NPNT: variants seen among roughly 807,000 people sequenced by gnomAD.
The protein encoded by NPNT is nephronectin.
In NPNT, 45 loss-of-function variants were observed where a neutral mutation model predicts 68.6. That is an observed-to-expected ratio of 0.66 (90% CI 0.52 to 0.84). The LOEUF is 0.84. NPNT is among the 40% of genes least tolerant of loss of function. The pLI is 0.00. For missense variants in NPNT, 672 were observed against 714.8 expected (o/e 0.94, Z 0.68); for synonymous variants, 233 against 253.3 (o/e 0.92, Z 0.76).
At chr4:105,941,234 A>G (rs1044953903) in intron 7 of NPNT, among the ~76,000 whole-genome samples, 4 of 152,088 alleles carry the variant, frequency 2.6e-5, no homozygotes, top group Admixed American at 2.6e-4. Flanking sequence ...CCAGCTACTC[A>G]GGAGGATGAG....
At chr4:105,924,044 C>G (rs559597706) in intron 2 of NPNT, among the ~76,000 whole-genome samples, 31 of 151,656 alleles carry the variant, frequency 2.0e-4, no homozygotes, top group African/African-American at 6.3e-4. Flanking sequence ...GCTGCGCCCC[C>G]CCCCCACCAC....
chr4:105,932,742 C>G (rs532620097), intron 3 of NPNT: 1 of 1,332,296 alleles, frequency 7.5e-7, no homozygotes, highest in Admixed American at 2.0e-5. Flanking sequence ...CTCTTCCCAC[C>G]TGCATGGCTT....
Position 105,942,514 on chromosome 4 carries a change from C to G in NPNT, c.971C>G (p.Pro324Arg). The G allele has an allele frequency of 1.2e-6, 2 of 1,613,850 alleles. No individual in the cohort carries two copies. Among genetic ancestry groups the G allele is most frequent in the Non-Finnish European group, 8.5e-7 (1 of 1,179,952 alleles). The change falls in exon 8 of 12, where the codon CCA (proline) becomes CGA (arginine). Residue 324 changes from proline (P) to arginine (R), a missense_variant. Transcript: ENST00000379987. Reference protein sequence around the residue: ...PTTRPTPKPTPIPTPPPPPPL... With the variant: ...PTTRPTPKPTRIPTPPPPPPL... ...ACAAGACCTACACCAAAGCCAACAC[C>G]AATTCCTACTCCACCACCACCACCA...
At chr4:105,940,774 C>T in intron 7 of NPNT, 138 bp downstream of exon 7, 1 of 766,602 alleles carries the variant, frequency 1.3e-6, no homozygotes, top group Non-Finnish European at 2.1e-6. Flanking sequence ...TCTTTGATTT[C>T]CACAAACAAT....
intron 3 of NPNT, among the ~76,000 whole-genome samples, chr4:105,930,492 G>A (rs1003370227): frequency 6.6e-6 from 1 of 152,136 alleles, no homozygotes; most frequent in Non-Finnish European, 1.5e-5. Flanking sequence ...GAAAATTGTT[G>A]ATAGTGCCTA....
intron 2 of NPNT, among the ~76,000 whole-genome samples, chr4:105,904,833 C>A (rs1468673891): frequency 6.6e-6 from 1 of 151,948 alleles, no homozygotes; most frequent in African/African-American, 2.4e-5. Flanking sequence ...AGGTGTACAC[C>A]ACCACACCTA....
At chr4:105,946,059 G>A (rs193294075) in intron 8 of NPNT, among the ~76,000 whole-genome samples, 26 of 152,226 alleles carry the variant, frequency 1.7e-4, no homozygotes, top group Non-Finnish European at 3.2e-4. Flanking sequence ...TTAAAGTTAC[G>A]TGTACATTTG....
At position 105,970,595 on chromosome 4, in the gene NPNT, A is replaced by T. The variant is rs1462403610; in HGVS notation, c.*1605A>T. The stretch of plus-strand genomic sequence containing the variant: ...AGAGGAAACTGGCTTAGACTAGAGT[A>T]TAAGGGAGCATTTCTTGGCAGGGGC... On this transcript the variant is annotated 3_prime_UTR_variant, in exon 12 of 12. Transcript: ENST00000379987. 6.0e-6 allele frequency: 4 copies of T among 669,832 alleles called. No individual in the cohort carries two copies. Among genetic ancestry groups the T allele is most frequent in the African/African-American group, 5.3e-5 (3 of 56,662 alleles). 41.5% of individuals were successfully genotyped at this position (669,832 alleles called of 1,614,324 possible).
chr4:105,898,104 T>C, intron 2 of NPNT, 103 bp downstream of exon 2: 4 of 768,144 alleles, frequency 5.2e-6, no homozygotes, highest in South Asian at 2.0e-5. Flanking sequence ...TGAGCAAGGC[T>C]TGGCCTTGCA....
chr4:105,904,358 G>A (rs1726697387), intron 2 of NPNT, among the ~76,000 whole-genome samples: 1 of 152,120 alleles, frequency 6.6e-6, no homozygotes, highest in Non-Finnish European at 1.5e-5. Flanking sequence ...TAGTTTAAGG[G>A]GAAAGACTGA....
At chr4:105,898,141 A>G (rs1368845062) in intron 2 of NPNT, 140 bp downstream of exon 2, 1 of 547,688 alleles carries the variant, frequency 1.8e-6, no homozygotes, top group Non-Finnish European at 3.2e-6. Context: ...TTTCAGGTAC[A>G]GTCCAGACTC....
chr4:105,945,207 C>A (rs1419189382), intron 8 of NPNT, among the ~76,000 whole-genome samples: 1 of 152,056 alleles, frequency 6.6e-6, no homozygotes, highest in Non-Finnish European at 1.5e-5. Context: ...TGAAAGATTT[C>A]TTTTAATGGA....
rs759098116 is a variant in NPNT at position 105,935,108 on chromosome 4, TCA to T, written c.266-1898_266-1897del. On this transcript the variant is annotated intron_variant, in intron 3 of 11. Transcript: ENST00000379987. ...CACCGAATCCATTCCCATCAGGAACTCACAAAAGTTTCTGTTATGCTTTGAAA... is the reference window on the plus strand; with the variant it reads ...CACCGAATCCATTCCCATCAGGAACTCAAAAGTTTCTGTTATGCTTTGAAA... Among the ~76,000 whole-genome samples, 15 of 152,308 alleles carry T rather than the reference TCA, an allele frequency of 9.8e-5. No individual in the cohort carries two copies. In the East Asian group the frequency reaches 2.5e-3, roughly 25 times the overall value.
intron 2 of NPNT, among the ~76,000 whole-genome samples, chr4:105,924,175 C>T (rs1470494911): frequency 6.6e-6 from 1 of 152,160 alleles, no homozygotes; most frequent in East Asian, 1.9e-4. Flanking sequence ...TCTTTCATCT[C>T]TCTATCACAG....
chr4:105,898,287 T>G (rs1726049786), intron 2 of NPNT, among the ~76,000 whole-genome samples: 1 of 150,438 alleles, frequency 6.6e-6, no homozygotes, highest in Non-Finnish European at 1.5e-5. Context: ...TTACCAGGTT[T>G]ATTTCTCTCT....
intron 2 of NPNT, among the ~76,000 whole-genome samples, chr4:105,924,910 G>A (rs1047900465): frequency 2.0e-5 from 3 of 152,014 alleles, no homozygotes; most frequent in African/African-American, 7.2e-5. Context: ...TGCACTTAAC[G>A]ATTTTGAGAT....
intron 2 of NPNT, among the ~76,000 whole-genome samples, chr4:105,907,776 A>C (rs565303974): frequency 1.3e-5 from 2 of 152,314 alleles, no homozygotes; most frequent in South Asian, 4.1e-4. Flanking sequence ...AATACAAATA[A>C]ACTTTTTATT....
intron 2 of NPNT, among the ~76,000 whole-genome samples, chr4:105,926,421 G>T (rs1277878552): frequency 1.3e-5 from 2 of 152,050 alleles, no homozygotes; most frequent in African/African-American, 2.4e-5. Flanking sequence ...TGGATAATTT[G>T]TTGTGGCGGG....
Position 105,968,972 on chromosome 4 carries a change from C to T in NPNT, c.1680C>T (p.His560=). Residue 560 remains histidine, a synonymous_variant, in exon 12 of 12, where the codon CAC becomes CAT. Transcript: ENST00000379987. ...ATGATGTGAGCTTGAAAAAAGGCCA[C>T]TGCTCTGAAGAACGCTAACAACTCC... ...GLDDVSLKKG[H]CSEER 1 of 1,604,498 alleles carries T rather than the reference C, an allele frequency of 6.2e-7. No homozygotes were observed. The highest frequency in any genetic ancestry group is 1.3e-5 in the African/African-American group (1 of 74,800).
Sources: gnomAD v4.1 joint callset for allele counts (sites outside exome capture counted in the v4.1 genomes callset) on GRCh38, gnomAD v4.1.1 for gene constraint, MANE v1.5 for transcripts, NCBI Gene and HGNC (gene_info 2026-07-23, HGNC 2026-07-21) for gene names.